The following CDKAL1 variants were observed in gnomAD, a reference collection of about 807,000 sequenced individuals.
CDKAL1 encodes threonylcarbamoyladenosine tRNA methylthiotransferase.
Under a neutral mutation model 68.2 loss-of-function variants are expected in CDKAL1, and 32 were observed. The observed-to-expected ratio is 0.47, with a 90% CI of 0.35 to 0.63. The LOEUF is 0.63. Ranked by LOEUF, CDKAL1 falls within the 30% of genes least tolerant of loss-of-function variation. The pLI, the probability that CDKAL1 is intolerant of heterozygous loss-of-function variation, is 0.00. For missense variants in CDKAL1, 606 were observed against 696.7 expected, an observed-to-expected ratio of 0.87 and a Z score of 1.47; for synonymous variants, 234 against 244.3, an observed-to-expected ratio of 0.96 and a Z score of 0.39.
intron 15 of CDKAL1, among the ~76,000 whole-genome samples, chr6:21,204,885 A>G (rs1295605519): frequency 6.6e-6 from 1 of 152,208 alleles, no homozygotes; most frequent in Admixed American, 6.5e-5. Flanking sequence ...TGTACAACCC[A>G]TCTCCAGAAC....
intron 4 of CDKAL1, among the ~76,000 whole-genome samples, chr6:20,554,956 C>T (rs1407927341): frequency 1.3e-5 from 2 of 152,204 alleles, no homozygotes; most frequent in Non-Finnish European, 2.9e-5. Flanking sequence ...GACATGCTTA[C>T]CTAAGTCAGA....
chr6:20,957,429 A>G (rs1764832658), intron 10 of CDKAL1, among the ~76,000 whole-genome samples: 1 of 152,252 alleles, frequency 6.6e-6, no homozygotes, highest in Non-Finnish European at 1.5e-5. Flanking sequence ...CTAAAAATCA[A>G]CAAAAGATCT....
intron 8 of CDKAL1, among the ~76,000 whole-genome samples, chr6:20,781,918 C>T (rs1250302892): frequency 6.6e-6 from 1 of 152,198 alleles, no homozygotes; most frequent in East Asian, 1.9e-4. Flanking sequence ...TTTCTTAAAT[C>T]ACAGGGAGCA....
At chr6:20,547,939 A>G (rs1323462379) in intron 3 of CDKAL1, among the ~76,000 whole-genome samples, 1 of 152,142 alleles carries the variant, frequency 6.6e-6, no homozygotes, top group Admixed American at 6.5e-5. Context: ...TTTATTTGCC[A>G]TTGCTGCTAG....
intron 5 of CDKAL1, among the ~76,000 whole-genome samples, chr6:20,668,399 A>G (rs1171198094): frequency 6.6e-6 from 1 of 152,142 alleles, no homozygotes; most frequent in Admixed American, 6.6e-5. Flanking sequence ...AGGTGCAGCC[A>G]TAGCATATTG....
At chr6:20,957,008 T>TAAAAAAAAAAAA (rs70990087) in intron 10 of CDKAL1, among the ~76,000 whole-genome samples, 1 of 113,834 alleles carries the variant, frequency 8.8e-6, no homozygotes, top group African/African-American at 3.5e-5. Context: ...TGATTCTCTG[T>TAAAAAAAAAAAA]AAAAAAAAAA....
chr6:21,176,181 T>C (rs1777564264), intron 13 of CDKAL1, among the ~76,000 whole-genome samples: 1 of 152,244 alleles, frequency 6.6e-6, no homozygotes, highest in South Asian at 2.1e-4. Flanking sequence ...CATCCTTAGG[T>C]GGAACAGATG....
intron 9 of CDKAL1, among the ~76,000 whole-genome samples, chr6:20,862,898 G>C (rs539041401): frequency 2.0e-5 from 3 of 152,100 alleles, no homozygotes; most frequent in Non-Finnish European, 4.4e-5. Context: ...GTGGTGGTGG[G>C]TGCCTGTAAT....
At chr6:20,881,327 C>T (rs1006413625) in intron 9 of CDKAL1, among the ~76,000 whole-genome samples, 3 of 152,206 alleles carry the variant, frequency 2.0e-5, no homozygotes, top group African/African-American at 7.2e-5. Context: ...ACAGACTTTG[C>T]TTTCACCTTT....
chr6:20,905,051 A>C (rs1762174092), intron 9 of CDKAL1, among the ~76,000 whole-genome samples: 1 of 152,204 alleles, frequency 6.6e-6, no homozygotes, highest in African/African-American at 2.4e-5. Context: ...CAAGGGATAC[A>C]AAGAAACAAG....
intron 10 of CDKAL1, among the ~76,000 whole-genome samples, chr6:20,975,541 A>G (rs1442272128): frequency 2.6e-5 from 4 of 152,238 alleles, no homozygotes; most frequent in Non-Finnish European, 4.4e-5. Flanking sequence ...CATCTATTCA[A>G]TAACATCAGG....
chr6:20,611,101 C>A (rs79286660), intron 4 of CDKAL1, among the ~76,000 whole-genome samples: 13,575 of 152,100 alleles, frequency 0.089, 686 homozygotes, highest in African/African-American at 0.1. Flanking sequence ...CTGCAGGCAT[C>A]TTTTGTTTTT....
At chr6:20,729,802 C>T (rs893406472) in intron 5 of CDKAL1, among the ~76,000 whole-genome samples, 1 of 152,138 alleles carries the variant, frequency 6.6e-6, no homozygotes, top group Non-Finnish European at 1.5e-5. Context: ...CTCAAATGAC[C>T]GTAAGGTTCC....
intron 11 of CDKAL1, among the ~76,000 whole-genome samples, chr6:21,063,875 A>ACTT (rs1315976759): frequency 1.3e-5 from 2 of 152,262 alleles, no homozygotes. Context: ...TATTAAAGAA[A>ACTT]TAATATCAGA....
At chr6:20,851,142 T>C (rs1011208853) in intron 9 of CDKAL1, among the ~76,000 whole-genome samples, 4 of 152,148 alleles carry the variant, frequency 2.6e-5, no homozygotes, top group Non-Finnish European at 1.5e-5. Context: ...CTGGGTATCA[T>C]TTTGTTGTTC....
chr6:20,699,928 T>G (rs182472744), intron 5 of CDKAL1, among the ~76,000 whole-genome samples: 151 of 152,358 alleles, frequency 9.9e-4, no homozygotes, highest in Middle Eastern at 3.4e-3. Context: ...ACCAGTCTTT[T>G]AAGATGATGG....
intron 8 of CDKAL1, among the ~76,000 whole-genome samples, chr6:20,787,353 A>G (rs1775719226): frequency 6.6e-6 from 1 of 152,198 alleles, no homozygotes; most frequent in African/African-American, 2.4e-5. Context: ...AAAATTTATC[A>G]GTTCCTATTC....
intron 15 of CDKAL1, among the ~76,000 whole-genome samples, chr6:21,210,241 T>C (rs1424949700): frequency 6.6e-6 from 1 of 152,138 alleles, no homozygotes; most frequent in African/African-American, 2.4e-5. Flanking sequence ...GAAGAGAAGA[T>C]ATGTGCTGCT....
rs553464611 is a variant in CDKAL1 at position 20,613,568 on chromosome 6, C to A, written c.287-35725C>A. Reference sequence around the variant, plus strand: ...GAGATTACATGTGTGAGCCACCATGCCTGGCTGCGACAAAGTTTCTTATTT... The same window carrying A: ...GAGATTACATGTGTGAGCCACCATGACTGGCTGCGACAAAGTTTCTTATTT... On this transcript the variant is annotated intron_variant, in intron 4 of 15. Coordinates refer to ENST00000274695, the MANE Select transcript of CDKAL1 (RefSeq NM_017774.3). 2.7e-5 allele frequency among the ~76,000 whole-genome samples: 4 copies of A among 150,512 alleles called. No homozygotes were observed. The South Asian group carries it at 8.3e-4, about 31-fold the overall frequency.
Sources: allele counts gnomAD v4.1 joint callset (sites outside exome capture counted in the v4.1 genomes callset), GRCh38; gene constraint gnomAD v4.1.1; transcripts MANE v1.5; gene names NCBI Gene and HGNC (gene_info 2026-07-23, HGNC 2026-07-21).